The following MTUS1 variants were observed in gnomAD, a reference collection of about 807,000 sequenced individuals.
MTUS1 encodes microtubule-associated tumor suppressor 1.
A neutral mutation model predicts 120.8 loss-of-function variants in MTUS1; 109 were observed. That is an observed-to-expected ratio of 0.90 (90% confidence interval 0.77 to 1.06). MTUS1 has a LOEUF of 1.06. MTUS1 is among the 50% of genes least tolerant of loss of function. The probability of loss-of-function intolerance (pLI) is 0.00; values close to 1 mark genes in which losing one functional copy is unlikely to be tolerated. For synonymous variants in MTUS1, 737 were observed against 550.5 expected (o/e 1.34, Z -4.74); for missense variants, 2,210 against 1,486.3 (o/e 1.49, Z -8.01).
At chr8:17,794,312 G>C (rs542633901) in intron 1 of MTUS1, among the ~76,000 whole-genome samples, 28 of 151,204 alleles carry the variant, frequency 1.9e-4, no homozygotes, top group Admixed American at 1.8e-3. Context: ...TGGGCAACAA[G>C]AGCAAAACTC....
intron 8 of MTUS1, among the ~76,000 whole-genome samples, chr8:17,667,789 G>A (rs1811211685): frequency 6.6e-6 from 1 of 152,102 alleles, no homozygotes; most frequent in African/African-American, 2.4e-5. Context: ...GCTTCCCTTG[G>A]GAAGTTACTT....
intron 6 of MTUS1, among the ~76,000 whole-genome samples, chr8:17,685,303 T>G (rs1288796293): frequency 6.6e-6 from 1 of 152,174 alleles, no homozygotes; most frequent in Non-Finnish European, 1.5e-5. Context: ...AATGGTGCCC[T>G]GGGTATTACT....
intron 4 of MTUS1, among the ~76,000 whole-genome samples, chr8:17,718,417 A>C (rs1281086334): frequency 6.6e-6 from 1 of 152,192 alleles, no homozygotes. Context: ...TGAATCACCT[A>C]TCTATGAATA....
At position 17,649,834 on chromosome 8, in the gene MTUS1, A is replaced by G. The variant is rs774373866; in HGVS notation, c.3501+12T>C. ...ATTTGTAAGATCCTCTTTCATTCTG[A>G]AGGAAACATACCAGTTTCTCCATTT... On this transcript the variant is annotated intron_variant, in intron 13 of 14. Coordinates refer to ENST00000693296, the MANE Select transcript of MTUS1 (RefSeq NM_001363059.2). The G allele has an allele frequency of 2.8e-6, 4 of 1,409,532 alleles. No homozygotes were observed. The South Asian group carries it at 4.6e-5, about 16-fold the overall frequency. The allele number at this position is 1,409,532 out of a possible 1,614,324, so 87.3% of individuals were successfully genotyped here.
intron 2 of MTUS1, among the ~76,000 whole-genome samples, chr8:17,746,742 C>A (rs1034674467): frequency 6.6e-6 from 1 of 152,100 alleles, no homozygotes; most frequent in Non-Finnish European, 1.5e-5. Context: ...AACATATAGC[C>A]CGTATAGAAT....
intron 1 of MTUS1, among the ~76,000 whole-genome samples, chr8:17,786,811 C>A (rs7009063): frequency 0.015 from 2,271 of 152,282 alleles, 51 homozygotes; most frequent in African/African-American, 0.052. Context: ...TAACAACCAA[C>A]ATTTAACACT....
rs771510656 is a variant in MTUS1, at chr8:17,656,001, T to C, written c.2970A>G (p.Glu990=). ...KARNELQTVY[E]AFVQQHQAEK... is the part of the protein sequence containing the mutation. ...CAGCCTGGTGCTGCTGGACGAATGCTTCATACACTGTTTGTAACTCATTCC... is the reference window on the plus strand; with the variant it reads ...CAGCCTGGTGCTGCTGGACGAATGCCTCATACACTGTTTGTAACTCATTCC... Residue 990 remains glutamate (E), a synonymous_variant, in exon 9 of 15, where the codon GAA becomes GAG. Coordinates refer to ENST00000693296, the MANE Select transcript of MTUS1 (RefSeq NM_001363059.2). The C allele has an allele frequency of 6.2e-7, 1 of 1,614,252 alleles. No homozygotes were observed. The highest frequency in any genetic ancestry group is 8.5e-7 in the Non-Finnish European group (1 of 1,180,058).
At chr8:17,668,172 C>T (rs1811287195) in intron 8 of MTUS1, among the ~76,000 whole-genome samples, 1 of 152,138 alleles carries the variant, frequency 6.6e-6, no homozygotes, top group Non-Finnish European at 1.5e-5. Context: ...TTGAATGCGG[C>T]CCAACACAAA....
intron 2 of MTUS1, among the ~76,000 whole-genome samples, chr8:17,753,018 G>C (rs1296183458): frequency 6.6e-6 from 1 of 152,034 alleles, no homozygotes; most frequent in African/African-American, 2.4e-5. Context: ...GCACTCTCTA[G>C]GTCCCCCCCA....
At chr8:17,675,034 A>C in intron 8 of MTUS1, 152 bp downstream of exon 8, 1 of 1,437,564 alleles carries the variant, frequency 7.0e-7, no homozygotes, top group Non-Finnish European at 9.1e-7. Context: ...ATTCAAAAGA[A>C]ATGTCGATAG....
intron 2 of MTUS1, among the ~76,000 whole-genome samples, chr8:17,753,107 GAATT>G (rs1356758805): frequency 1.3e-5 from 2 of 152,038 alleles, no homozygotes; most frequent in Admixed American, 1.3e-4. Context: ...TATATACCAG[GAATT>G]AATATATTAA....
intron 6 of MTUS1, among the ~76,000 whole-genome samples, chr8:17,709,801 G>C (rs1246500658): frequency 1.3e-5 from 2 of 152,078 alleles, no homozygotes; most frequent in Non-Finnish European, 2.9e-5. Flanking sequence ...GAAGTCAGGA[G>C]ATGGAGACCA....
chr8:17,761,862 T>A (rs564130045), intron 1 of MTUS1, among the ~76,000 whole-genome samples: 99 of 152,274 alleles, frequency 6.5e-4, no homozygotes, highest in Non-Finnish European at 1.1e-3. Flanking sequence ...AACTCACAAA[T>A]CACAATAGTA....
Position 17,754,769 on chromosome 8 carries a change from C to G in MTUS1, c.1039G>C (p.Asp347His), listed in dbSNP as rs1305868206. 1.2e-6 allele frequency: 2 copies of G among 1,614,130 alleles called. No homozygotes were observed. The highest frequency in any genetic ancestry group is 1.7e-6 in the Non-Finnish European group (2 of 1,180,054). The stretch of plus-strand genomic sequence containing the variant: ...GGCACCATTAAAGGGCATTCATCAT[C>G]AATAAGACAATAGGACACTGTCTCT... ...LRETVSYCLI[D>H]DECPLMVPAF... Residue 347 changes from aspartate to histidine, a missense_variant, in exon 2 of 15, where the codon GAT (aspartate) becomes CAT (histidine). Asp to His is a moderately conservative substitution (Grantham distance 81, BLOSUM62 -1). Transcript: ENST00000693296.
At chr8:17,684,649 T>A in intron 6 of MTUS1, 107 bp from the exon 7 acceptor site, 1 of 873,252 alleles carries the variant, frequency 1.1e-6, no homozygotes, top group East Asian at 2.4e-5. Context: ...TCCATTTAAG[T>A]TATGTTGCTG....
At position 17,753,784 on chromosome 8, in the gene MTUS1, G is replaced by A; in HGVS notation, c.2024C>T (p.Ser675Phe). ...TTGTTTCAGCTCTTGTTTTTCCATAGATGTCCCATTTTCTTTTTCACCCTT... is the reference window on the plus strand; with the variant it reads ...TTGTTTCAGCTCTTGTTTTTCCATAAATGTCCCATTTTCTTTTTCACCCTT... ...EKKGEKENGT[S>F]MEKQELKQEI... is the part of the protein sequence containing the mutation. The change falls in exon 2 of 15, where the codon TCT (serine) becomes TTT (phenylalanine). Residue 675 changes from serine (S) to phenylalanine (F), a missense_variant. By Grantham distance (155) the Ser-to-Phe change is radical. Transcript: ENST00000693296. The A allele has an allele frequency of 1.9e-6, 3 of 1,613,282 alleles. No individual in the cohort carries two copies. Among genetic ancestry groups the A allele is most frequent in the Non-Finnish European group, 2.5e-6 (3 of 1,179,874 alleles).
intron 2 of MTUS1, among the ~76,000 whole-genome samples, chr8:17,747,345 T>C (rs1030218162): frequency 6.6e-6 from 1 of 152,180 alleles, no homozygotes; most frequent in African/African-American, 2.4e-5. Context: ...ATGTCCCCTA[T>C]AAGCCTTCCT....
rs1471719668 is a variant in MTUS1 at position 17,738,326 on chromosome 8, CG to C, written c.2287+5277del. ...CTCCCTCCTCAGCTCACAGGAGTCACGGGGCAGGGAGAGCATTCTGCGCTAC... is the reference window on the plus strand; with the variant it reads ...CTCCCTCCTCAGCTCACAGGAGTCACGGGCAGGGAGAGCATTCTGCGCTAC... On this transcript the variant is annotated intron_variant, in intron 3 of 14. Transcript: ENST00000693296. Among the ~76,000 whole-genome samples the C allele has an allele frequency of 4.6e-5, 7 of 152,304 alleles. No homozygotes were observed. In the East Asian group the frequency reaches 1.2e-3, roughly 25 times the overall value.
Position 17,689,179 on chromosome 8 carries a change from C to G in MTUS1, c.2624-4637G>C, listed in dbSNP as rs779915699. Among the ~76,000 whole-genome samples, 3 of 152,096 alleles carry G rather than the reference C, an allele frequency of 2.0e-5. No individual in the cohort carries two copies. The South Asian group carries it at 6.2e-4, about 32-fold the overall frequency. On this transcript the variant is annotated intron_variant, in intron 6 of 14. Transcript: ENST00000693296. ...TGAGCCGAGATCACGCCACTGCACT[C>G]CAGCCTGGGTGACAGAGCAAGACTC...
Sources: gnomAD v4.1 joint callset for allele counts (sites outside exome capture counted in the v4.1 genomes callset) on GRCh38, gnomAD v4.1.1 for gene constraint, MANE v1.5 for transcripts, NCBI Gene and HGNC (gene_info 2026-07-23, HGNC 2026-07-21) for gene names.